ITGB4: variants seen among roughly 807,000 people sequenced by gnomAD.
ITGB4 encodes the protein integrin beta-4.
In ITGB4, 159 loss-of-function variants were observed where a neutral mutation model predicts 207.6. The ratio of observed to expected loss-of-function variants is 0.77; its 90% CI spans 0.67 to 0.87. The LOEUF is 0.87. Among genes scored for constraint, ITGB4 ranks in the 40% least tolerant of loss-of-function variants. The pLI is 0.00. For missense variants in ITGB4, 2,278 were observed against 2,546.8 expected (o/e 0.89, Z 2.27); for synonymous variants, 1,020 against 1,062.7 (o/e 0.96, Z 0.78).
At position 75,742,006 on chromosome 17, in the gene ITGB4, T is replaced by A. The variant is rs1397324654; in HGVS notation, c.2634-335T>A. ...AGTGACTTGCCCAAGGTTACCCAGC[T>A]ATCGAGAACTAGAACCAGGGCTAGG... On this transcript the variant is annotated intron_variant, in intron 23 of 39. Transcript: ENST00000200181. This position sits in a 1 kb window ranked among gnomAD's most constrained non-coding sequence, Gnocchi z 5.9. 6.6e-6 allele frequency among the ~76,000 whole-genome samples: 1 copy of A among 152,180 alleles called. No homozygotes were observed. The highest frequency in any genetic ancestry group is 1.5e-5 in the Non-Finnish European group (1 of 68,032).
intron 39 of ITGB4, 24 bp downstream of exon 39, chr17:75,757,334 C>T (rs751037292): frequency 1.9e-6 from 3 of 1,612,712 alleles, no homozygotes; most frequent in East Asian, 4.5e-5. Context: ...GCTAGGGGAT[C>T]CCGGCTCTCC....
intron 27 of ITGB4, among the ~76,000 whole-genome samples, chr17:75,749,468 C>T (rs540470423): frequency 4.6e-5 from 7 of 152,120 alleles, no homozygotes; most frequent in Non-Finnish European, 8.8e-5. Flanking sequence ...GTCTGGGCCG[C>T]AGCAAGCTGT....
intron 37 of ITGB4, 23 bp from the exon 38 acceptor site, chr17:75,756,920 C>T: frequency 6.2e-7 from 1 of 1,612,366 alleles, no homozygotes; most frequent in Non-Finnish European, 8.5e-7. Flanking sequence ...GCCGCAGACG[C>T]TGAAGGCATC....
intron 7 of ITGB4, among the ~76,000 whole-genome samples, 163 bp from the exon 8 acceptor site, chr17:75,730,078 G>C (rs1490265968): frequency 1.3e-5 from 2 of 152,242 alleles, no homozygotes; most frequent in Admixed American, 6.5e-5. Context: ...TTGTCACTCA[G>C]TCATGTGCCG....
Position 75,721,495 on chromosome 17 carries a change from C to A in ITGB4, c.-128C>A, listed in dbSNP as rs1264376021. On this transcript the variant is annotated 5_prime_UTR_variant, in exon 1 of 40. Transcript: ENST00000200181. The stretch of plus-strand genomic sequence containing the variant: ...CGCGCCCGCCCTCGGACAGTCCCTG[C>A]TCGCCCGCGCGCTGCAGCCCCATCT... 6.6e-6 allele frequency: 1 copy of A among 150,684 alleles called. No individual in the cohort carries two copies. The highest frequency in any genetic ancestry group is 1.5e-5 in the Non-Finnish European group (1 of 67,478). 9.3% of individuals were successfully genotyped at this position (150,684 alleles called of 1,614,324 possible).
chr17:75,744,651 G>A (rs2061194736), intron 26 of ITGB4, among the ~76,000 whole-genome samples: 1 of 152,214 alleles, frequency 6.6e-6, no homozygotes, highest in Admixed American at 6.5e-5. Flanking sequence ...AACCCTTCAA[G>A]GCAGGGAGTG....
chr17:75,723,613 C>T (rs1453427695), intron 1 of ITGB4, among the ~76,000 whole-genome samples: 3 of 152,356 alleles, frequency 2.0e-5, no homozygotes, highest in Middle Eastern at 3.4e-3. Context: ...CCAGGCTGCA[C>T]GCCTTAGAAG....
In ITGB4 at chr17:75,753,834, C is replaced by T. The variant is rs777012308; in HGVS notation, c.4178C>T (p.Pro1393Leu). ...CTGCGGCGCGTCACGTGGCGGCTGCCCCCGGAGCTCATCCCGCGCCTGTCG... is the reference window on the plus strand; with the variant it reads ...CTGCGGCGCGTCACGTGGCGGCTGCTCCCGGAGCTCATCCCGCGCCTGTCG... ...LDLRRVTWRL[P>L]PELIPRLSAS... The change falls in exon 33 of 40, where the codon CCC becomes CTC. Residue 1393 changes from proline to leucine, a missense_variant. Coordinates refer to ENST00000200181, the MANE Select transcript of ITGB4 (RefSeq NM_000213.5). The T allele has an allele frequency of 6.9e-7, 1 of 1,446,878 alleles. No individual in the cohort carries two copies. Among genetic ancestry groups the T allele is most frequent in the East Asian group, 2.8e-5 (1 of 35,748 alleles). The allele number at this position is 1,446,878 out of a possible 1,614,324, so 89.6% of individuals were successfully genotyped here. A position where few individuals can be genotyped will look rare whatever the true frequency, so the allele number is the denominator to read the frequency against.
intron 2 of ITGB4, among the ~76,000 whole-genome samples, 193 bp downstream of exon 2, chr17:75,724,975 C>T (rs916206448): frequency 5.9e-5 from 9 of 152,214 alleles, no homozygotes; most frequent in African/African-American, 2.2e-4. Flanking sequence ...GCCCTGACCA[C>T]GGGGCCTGAG....
chr17:75,740,036 C>T lies in ITGB4; in HGVS notation c.2411C>T (p.Ala804Val). ...VTNNMQRPGF[A>V]THAASINPTE... is the part of the protein sequence containing the mutation. ...AACAACATGCAGCGGCCTGGCTTTGCCACTCATGCCGCCAGCATCAACCCC... is the reference window on the plus strand; with the variant it reads ...AACAACATGCAGCGGCCTGGCTTTGTCACTCATGCCGCCAGCATCAACCCC... Residue 804 changes from alanine to valine, a missense_variant, in exon 20 of 40, where the codon GCC (alanine) becomes GTC (valine). Coordinates refer to ENST00000200181, the MANE Select transcript of ITGB4 (RefSeq NM_000213.5). The surrounding 1 kb of genome is among the most constrained non-coding windows in gnomAD (Gnocchi z 5.9). 2 of 1,612,754 alleles carry T rather than the reference C, an allele frequency of 1.2e-6. No individual in the cohort carries two copies. Among genetic ancestry groups the T allele is most frequent in the Non-Finnish European group, 1.7e-6 (2 of 1,179,846 alleles).
Position 75,740,680 on chromosome 17 carries a change from C to G in ITGB4, c.2551-113C>G, listed in dbSNP as rs570362992. ...TGCTGCCCCACGGGGCATGCCCCAG[C>G]CAACCCTGAGGATCTCTGGGTACAG... On this transcript the variant is annotated intron_variant, in intron 21 of 39. Transcript: ENST00000200181. The surrounding 1 kb of genome is among the most constrained non-coding windows in gnomAD (Gnocchi z 5.9). 1 of 1,274,304 alleles carries G rather than the reference C, an allele frequency of 7.8e-7. No homozygotes were observed. Among genetic ancestry groups the G allele is most frequent in the East Asian group, 2.3e-5 (1 of 42,988 alleles). The allele number at this position is 1,274,304 out of a possible 1,614,324, so 78.9% of individuals were successfully genotyped here. A position where few individuals can be genotyped will look rare whatever the true frequency, so the allele number is the denominator to read the frequency against.
chr17:75,721,945 C>T (rs2060625022), intron 1 of ITGB4, among the ~76,000 whole-genome samples: 1 of 152,200 alleles, frequency 6.6e-6, no homozygotes, highest in South Asian at 2.1e-4. Context: ...AGACACCAGC[C>T]TGAGTGCTGG....
At chr17:75,744,002 C>T (rs960570236) in intron 26 of ITGB4, 141 bp downstream of exon 26, 487 of 908,288 alleles carry the variant, frequency 5.4e-4, no homozygotes, top group Non-Finnish European at 7.1e-4. Flanking sequence ...CCCAAGGACA[C>T]GTCCACCTGC....
chr17:75,743,130 C>T (rs2061153987), intron 25 of ITGB4, among the ~76,000 whole-genome samples: 1 of 152,202 alleles, frequency 6.6e-6, no homozygotes, highest in African/African-American at 2.4e-5. Flanking sequence ...TCCTGCTCTC[C>T]TCCAGCCCTG....
Position 75,731,206 on chromosome 17 carries a change from GC to G in ITGB4, c.1093-34del. ...TTGGAGGTTGGGGTGGAGCACAGAG[GC>G]CCCCCACAGAGCACTGATCAACCTC... On this transcript the variant is annotated intron_variant, in intron 9 of 39. Transcript: ENST00000200181. This position sits in a 1 kb window ranked among gnomAD's most constrained non-coding sequence, Gnocchi z 6.8. The G allele has an allele frequency of 2.5e-6, 4 of 1,612,936 alleles. No homozygotes were observed. The highest frequency in any genetic ancestry group is 3.4e-6 in the Non-Finnish European group (4 of 1,179,964).
At chr17:75,748,685 CA>C (rs530440434) in intron 26 of ITGB4, among the ~76,000 whole-genome samples, 155 bp from the exon 27 acceptor site, 1 of 150,872 alleles carries the variant, frequency 6.6e-6, no homozygotes, top group Non-Finnish European at 1.5e-5. Context: ...AAAAAACAAA[CA>C]AAAAAAACAC....
intron 13 of ITGB4, among the ~76,000 whole-genome samples, chr17:75,735,412 C>CTTTTTT (rs71361693): frequency 5.5e-4 from 57 of 102,862 alleles, no homozygotes; most frequent in Non-Finnish European, 7.8e-4. Flanking sequence ...TTTTTCTTTT[C>CTTTTTT]TTTTTTTTTT....
chr17:75,747,203 G>A (rs540985906), intron 26 of ITGB4, among the ~76,000 whole-genome samples: 1 of 152,244 alleles, frequency 6.6e-6, no homozygotes, highest in East Asian at 1.9e-4. Flanking sequence ...TTCCAGCCAG[G>A]CGTGGTGGCT....
In ITGB4 at chr17:75,755,984, G is replaced by T. The variant is rs1008179; in HGVS notation, c.4708+134G>T. The T allele has an allele frequency of 2.7e-6, 3 of 1,115,838 alleles. No homozygotes were observed. In the Middle Eastern group the frequency reaches 8.5e-4, roughly 316 times the overall value. The allele number at this position is 1,115,838 out of a possible 1,614,324, so 69.1% of individuals were successfully genotyped here. On this transcript the variant is annotated intron_variant, in intron 35 of 39. Coordinates refer to ENST00000200181, the MANE Select transcript of ITGB4 (RefSeq NM_000213.5). ...GCGCTAAAGCCCCCATCCAGCCTGA[G>T]AGGGTCTCCCACCCCATTCTCCACC...
Sources: gnomAD v4.1 joint callset for allele counts (sites outside exome capture counted in the v4.1 genomes callset) on GRCh38, gnomAD v4.1.1 for gene constraint, Gnocchi (gnomAD v3.1) non-coding constraint, MANE v1.5 for transcripts, NCBI Gene and HGNC (gene_info 2026-07-23, HGNC 2026-07-21) for gene names.